Variants in CCND1 observed in about 807,000 individuals in gnomAD.
The protein encoded by CCND1 is cyclin D1.
In CCND1, 9 loss-of-function variants were observed where a neutral mutation model predicts 26.1. That is an observed-to-expected ratio of 0.35 (90% CI 0.21 to 0.60). The LOEUF is 0.60. Ranked by LOEUF, CCND1 falls within the 20% of genes least tolerant of loss-of-function variation. The probability of loss-of-function intolerance (pLI) is 0.79; values close to 1 mark genes in which losing one functional copy is unlikely to be tolerated. For missense variants in CCND1, 335 were observed against 392.9 expected (o/e 0.85, Z 1.25); for synonymous variants, 194 against 166.1 (o/e 1.17, Z -1.29).
intron 4 of CCND1, among the ~76,000 whole-genome samples, chr11:69,650,002 A>T (rs1855834784): frequency 6.6e-6 from 1 of 152,142 alleles, no homozygotes; most frequent in African/African-American, 2.4e-5. Context: ...CCCTCCCTAT[A>T]AAGGTACAGG....
chr11:69,650,692 C>T (rs1855843038), intron 4 of CCND1, among the ~76,000 whole-genome samples: 1 of 152,228 alleles, frequency 6.6e-6, no homozygotes, highest in Admixed American at 6.5e-5. Context: ...ACCTCAAGGG[C>T]TGCCACATGG....
chr11:69,648,361 C>G, intron 4 of CCND1: 1 of 569,322 alleles, frequency 1.8e-6, no homozygotes, highest in South Asian at 2.3e-5. Context: ...ACAGCCTTCT[C>G]ACGTCCCCTG....
chr11:69,651,062 G>T, intron 4 of CCND1, 56 bp from the exon 5 acceptor site: 1 of 1,553,354 alleles, frequency 6.4e-7, no homozygotes, highest in Non-Finnish European at 8.7e-7. Flanking sequence ...GGCCCTCGCT[G>T]CAGGCCCCTT....
intron 3 of CCND1, among the ~76,000 whole-genome samples, chr11:69,646,771 C>T (rs1855787697): frequency 6.6e-6 from 1 of 152,086 alleles, no homozygotes; most frequent in South Asian, 2.1e-4. Flanking sequence ...GAGGGGAGGC[C>T]GGCATTCCCC....
Position 69,641,380 on chromosome 11 carries a change from C to T in CCND1, c.67C>T (p.Leu23Phe), listed in dbSNP as rs753863475. The change falls in exon 1 of 5, where the codon CTC (leucine) becomes TTC (phenylalanine). Residue 23 changes from leucine to phenylalanine, a missense_variant. Transcript: ENST00000227507. ...IRRAYPDANL[L>F]NDRVLRAMLK... The stretch of plus-strand genomic sequence containing the variant: ...CCGCGCGTACCCCGATGCCAACCTC[C>T]TCAACGACCGGGTGCTGCGGGCCAT... 6 of 1,613,442 alleles carry T rather than the reference C, an allele frequency of 3.7e-6. No homozygotes were observed. The highest frequency in any genetic ancestry group is 2.5e-6 in the Non-Finnish European group (3 of 1,180,022).
chr11:69,642,302 C>T (rs1274150292), intron 1 of CCND1, among the ~76,000 whole-genome samples: 2 of 152,190 alleles, frequency 1.3e-5, no homozygotes, highest in Non-Finnish European at 2.9e-5. Context: ...TCCGAGCGAG[C>T]CGGGGGCCTG....
rs3212883 is a variant in CCND1, at chr11:69,649,592, G to A, written c.723+1450G>A. On this transcript the variant is annotated intron_variant, in intron 4 of 4. Transcript: ENST00000227507. ...ATGTCCATCTGTGCAAATCGGGTGCGCAGTGCCACACACCAGTGACTTTTC... is the reference window on the plus strand; with the variant it reads ...ATGTCCATCTGTGCAAATCGGGTGCACAGTGCCACACACCAGTGACTTTTC... 2.1e-3 allele frequency among the ~76,000 whole-genome samples: 318 copies of A among 152,370 alleles called. 2 individuals carry two copies. The highest frequency in any genetic ancestry group is 6.8e-3 in the African/African-American group (283 of 41,592).
rs1458420104 is a variant in CCND1 at position 69,643,700 on chromosome 11, G to T, written c.415-132G>T. Reference sequence around the variant, plus strand: ...GCCAGCCCTCCCCTCCAACATCCAGGACCGCACGAGACGCAGGGGCCAGTG... The same window carrying T: ...GCCAGCCCTCCCCTCCAACATCCAGTACCGCACGAGACGCAGGGGCCAGTG... On this transcript the variant is annotated intron_variant, in intron 2 of 4. Coordinates refer to ENST00000227507, the MANE Select transcript of CCND1 (RefSeq NM_053056.3). 1.8e-5 allele frequency: 14 copies of T among 779,024 alleles called. No individual in the cohort carries two copies. The Admixed American group carries it at 4.1e-4, about 23-fold the overall frequency. 48.3% of individuals were successfully genotyped at this position (779,024 alleles called of 1,614,324 possible).
chr11:69,654,280 GGTGGCAA>G lies in CCND1; in HGVS notation c.*3002_*3008del. ...TGTGTGTATCGAGAGGCCAAAGGCT[GGTGGCAA>G]GTGCACGGGGCACAGCGGAGTCTGT... On this transcript the variant is annotated 3_prime_UTR_variant, in exon 5 of 5. Transcript: ENST00000227507. The surrounding 1 kb of genome is among the most constrained non-coding windows in gnomAD (Gnocchi z 6.3). The G allele has an allele frequency of 1.4e-6, 1 of 702,594 alleles. No individual in the cohort carries two copies. Among genetic ancestry groups the G allele is most frequent in the South Asian group, 1.5e-5 (1 of 67,604 alleles). The allele number at this position is 702,594 out of a possible 1,614,324, so 43.5% of individuals were successfully genotyped here.
chr11:69,648,550 G>C (rs948055764), intron 4 of CCND1, among the ~76,000 whole-genome samples: 2 of 152,266 alleles, frequency 1.3e-5, no homozygotes, highest in African/African-American at 4.8e-5. Flanking sequence ...TGAGGTCCGA[G>C]ACACCGGACA....
intron 3 of CCND1, among the ~76,000 whole-genome samples, chr11:69,644,743 G>A (rs1270797427): frequency 6.6e-6 from 1 of 152,164 alleles, no homozygotes; most frequent in Non-Finnish European, 1.5e-5. Flanking sequence ...GCCTCCTGCT[G>A]TCCCCAGCCC....
intron 3 of CCND1, among the ~76,000 whole-genome samples, chr11:69,645,763 C>T (rs1445279294): frequency 1.3e-5 from 2 of 152,118 alleles, no homozygotes; most frequent in Non-Finnish European, 2.9e-5. Context: ...TGTTTTTGCC[C>T]TCCACGTGGC....
chr11:69,649,698 G>A (rs2120114998), intron 4 of CCND1, among the ~76,000 whole-genome samples: 1 of 152,326 alleles, frequency 6.6e-6, no homozygotes, highest in East Asian at 1.9e-4. Flanking sequence ...GCAGGCAGCT[G>A]TGGGGCCAGA....
At chr11:69,647,084 C>T (rs1403762805) in intron 3 of CCND1, among the ~76,000 whole-genome samples, 1 of 152,228 alleles carries the variant, frequency 6.6e-6, no homozygotes, top group Non-Finnish European at 1.5e-5. Flanking sequence ...GCCCGGCTCC[C>T]GGCCCAGTCC....
At chr11:69,641,895 G>T (rs1267961056) in intron 1 of CCND1, among the ~76,000 whole-genome samples, 1 of 152,142 alleles carries the variant, frequency 6.6e-6, no homozygotes, top group Non-Finnish European at 1.5e-5. Flanking sequence ...CGGGGGGAGG[G>T]GGCATAGATT....
chr11:69,648,279 C>T (rs984592725), intron 4 of CCND1, 137 bp downstream of exon 4: 7 of 908,246 alleles, frequency 7.7e-6, no homozygotes. Context: ...CCTCGGACCC[C>T]AGGCCACAGA....
In CCND1 at chr11:69,648,207, G is replaced by A. The variant is rs573765170; in HGVS notation, c.723+65G>A. The stretch of plus-strand genomic sequence containing the variant: ...TACAGGGGGAGACACCTAGTGCCAC[G>A]GAAATGCCGAGGCTGGTGCCAAGGC... On this transcript the variant is annotated intron_variant, in intron 4 of 4. Coordinates refer to ENST00000227507, the MANE Select transcript of CCND1 (RefSeq NM_053056.3). 432 of 1,588,628 alleles carry A rather than the reference G, an allele frequency of 2.7e-4. 2 individuals carry two copies. Among genetic ancestry groups the A allele is most frequent in the African/African-American group, 2.2e-3 (162 of 74,552 alleles).
intron 3 of CCND1, among the ~76,000 whole-genome samples, chr11:69,646,134 G>A (rs565797342): frequency 2.5e-4 from 38 of 152,188 alleles, no homozygotes; most frequent in Non-Finnish European, 4.4e-4. Context: ...GGAGACGGGG[G>A]GGTGCACAAG....
intron 1 of CCND1, among the ~76,000 whole-genome samples, chr11:69,642,354 G>A (rs539356386): frequency 6.6e-6 from 1 of 151,984 alleles, no homozygotes; most frequent in East Asian, 2.0e-4. Context: ...TGAGGGGCCC[G>A]CAAGTATTTT....
Sources: gnomAD v4.1 joint callset for allele counts (sites outside exome capture counted in the v4.1 genomes callset) on GRCh38, gnomAD v4.1.1 for gene constraint, Gnocchi (gnomAD v3.1) non-coding constraint, MANE v1.5 for transcripts, NCBI Gene and HGNC (gene_info 2026-07-23, HGNC 2026-07-21) for gene names.